The following GRB14 variants were observed in gnomAD, a reference collection of about 807,000 sequenced individuals.
The protein encoded by GRB14 is growth factor receptor-bound protein 14.
GRB14 carries 38 observed loss-of-function variants against 69.1 expected under a neutral mutation model. The observed-to-expected ratio is 0.55, with a 90% confidence interval of 0.42 to 0.72. The LOEUF (loss-of-function observed/expected upper bound fraction) is 0.72. GRB14 is among the 30% of genes least tolerant of loss of function. The pLI, the probability that GRB14 is intolerant of heterozygous loss-of-function variation, is 0.00. For missense variants in GRB14, 666 were observed against 666.1 expected (o/e 1.00, Z 0.00); for synonymous variants, 247 against 241.3 (o/e 1.02, Z -0.22).
chr2:164,507,180 T>TAAAG (rs1687213779), intron 8 of GRB14, among the ~76,000 whole-genome samples: 1 of 152,244 alleles, frequency 6.6e-6, no homozygotes, highest in Non-Finnish European at 1.5e-5. Context: ...ATTACTATTC[T>TAAAG]GTCCTTCTTT....
chr2:164,495,461 T>C (rs1337635673), intron 12 of GRB14, among the ~76,000 whole-genome samples: 1 of 152,178 alleles, frequency 6.6e-6, no homozygotes, highest in Non-Finnish European at 1.5e-5. Context: ...GAAAAGCCTC[T>C]ATAATGTCAG....
At chr2:164,566,679 C>T (rs10199593) in intron 2 of GRB14, among the ~76,000 whole-genome samples, 2,641 of 152,128 alleles carry the variant, frequency 0.017, 58 homozygotes, top group African/African-American at 0.06. Flanking sequence ...ATTGTTCAAA[C>T]TCCTTGAAAA....
At position 164,564,483 on chromosome 2, in the gene GRB14, G is replaced by A. The variant is rs139369922; in HGVS notation, c.325-16667C>T. ...ATGAGGAAAGAAATGATTATAACAT[G>A]AACTATTCTCTTATATGAATGGGGA... On this transcript the variant is annotated intron_variant, in intron 2 of 13. Coordinates refer to ENST00000263915, the MANE Select transcript of GRB14 (RefSeq NM_004490.3). Among the ~76,000 whole-genome samples, 439 of 152,272 alleles carry A rather than the reference G, an allele frequency of 2.9e-3. 2 individuals carry two copies. Among genetic ancestry groups the A allele is most frequent in the African/African-American group, 0.01 (429 of 41,542 alleles).
In GRB14 at chr2:164,508,828, T is replaced by C; in HGVS notation, c.841A>G (p.Ser281Gly). 1.3e-6 allele frequency: 2 copies of C among 1,579,632 alleles called. No homozygotes were observed. Among genetic ancestry groups the C allele is most frequent in the East Asian group, 2.2e-5 (1 of 44,552 alleles). ...SKEPRHLQFF[S>G]EFGNSDIYVS... is the part of the protein sequence containing the mutation. ...TAAATATCACTATTGCCAAATTCGC[T>C]GAAAAACTGCAAATGCCGCGGTTCC... The change falls in exon 7 of 14, where the codon AGC becomes GGC. Residue 281 changes from serine to glycine, a missense_variant. Coordinates refer to ENST00000263915, the MANE Select transcript of GRB14 (RefSeq NM_004490.3).
At chr2:164,522,802 TCA>T (rs1559033003) in intron 5 of GRB14, among the ~76,000 whole-genome samples, 3 of 152,026 alleles carry the variant, frequency 2.0e-5, no homozygotes, top group Non-Finnish European at 4.4e-5. Flanking sequence ...TGCCACTGAA[TCA>T]CAAAAAGGTG....
At chr2:164,536,249 C>G (rs943877734) in intron 3 of GRB14, among the ~76,000 whole-genome samples, 1 of 152,062 alleles carries the variant, frequency 6.6e-6, no homozygotes, top group African/African-American at 2.4e-5. Flanking sequence ...ACAGAGAGTC[C>G]CAGCTCCATG....
At position 164,493,084 on chromosome 2, in the gene GRB14, G is replaced by A. The variant is rs189443851; in HGVS notation, c.1575C>T (p.Gly525=). 18 of 1,613,430 alleles carry A rather than the reference G, an allele frequency of 1.1e-5. No individual in the cohort carries two copies. Among genetic ancestry groups the A allele is most frequent in the East Asian group, 2.2e-5 (1 of 44,816 alleles). The change falls in exon 14 of 14, where the codon GGC becomes GGT. Residue 525 remains glycine (G), a synonymous_variant. Transcript: ENST00000263915. Reference sequence around the variant, plus strand: ...AATGTTTCAACTTGCAAGGAAGAACGCCCTTATTGAGTTGATAGAACTCCA... The same window carrying A: ...AATGTTTCAACTTGCAAGGAAGAACACCCTTATTGAGTTGATAGAACTCCA... ...QLVEFYQLNK[G]VLPCKLKHYC... is the part of the protein sequence containing the mutation.
In GRB14 at chr2:164,571,547, TTAAAA is replaced by T. The variant is rs1163642767; in HGVS notation, c.325-23736_325-23732del. Among the ~76,000 whole-genome samples the T allele has an allele frequency of 2.6e-5, 4 of 152,298 alleles. No individual in the cohort carries two copies. The East Asian group carries it at 7.7e-4, about 29-fold the overall frequency. On this transcript the variant is annotated intron_variant, in intron 2 of 13. Transcript: ENST00000263915. ...GATAGAACAAGAGTAAATGTGTCAC[TTAAAA>T]TATTTTCATATCAATATTTCAATTA... is the stretch of plus-strand genomic sequence containing the variant.
At chr2:164,614,816 G>A (rs952703599) in intron 2 of GRB14, among the ~76,000 whole-genome samples, 3 of 152,082 alleles carry the variant, frequency 2.0e-5, no homozygotes, top group African/African-American at 7.2e-5. Flanking sequence ...ACACATACAA[G>A]TTCAGCATGT....
intron 5 of GRB14, among the ~76,000 whole-genome samples, chr2:164,523,216 GC>G (rs1315365173): frequency 2.0e-5 from 3 of 152,056 alleles, no homozygotes; most frequent in Non-Finnish European, 4.4e-5. Flanking sequence ...CTTCCCAGAT[GC>G]CTGTCCCACA....
In GRB14 at chr2:164,618,264, G is replaced by A. The variant is rs374637829; in HGVS notation, c.324+1423C>T. Among the ~76,000 whole-genome samples the A allele has an allele frequency of 1.8e-4, 27 of 150,286 alleles. No homozygotes were observed. The South Asian group carries it at 4.4e-3, about 25-fold the overall frequency. On this transcript the variant is annotated intron_variant, in intron 2 of 13. Coordinates refer to ENST00000263915, the MANE Select transcript of GRB14 (RefSeq NM_004490.3). Reference sequence around the variant, plus strand: ...ACTGGGATTACAGGCGTGAGCCACCGCACCCGGCCTCTTTTTTTTTTTTCC... The same window carrying A: ...ACTGGGATTACAGGCGTGAGCCACCACACCCGGCCTCTTTTTTTTTTTTCC...
At chr2:164,552,952 A>G (rs1021529627) in intron 2 of GRB14, among the ~76,000 whole-genome samples, 1 of 152,174 alleles carries the variant, frequency 6.6e-6, no homozygotes, top group Admixed American at 6.5e-5. Context: ...TTTCATATGC[A>G]GCAATAACAT....
intron 2 of GRB14, among the ~76,000 whole-genome samples, chr2:164,612,535 G>A (rs573273250): frequency 5.8e-4 from 89 of 152,274 alleles, no homozygotes; most frequent in Non-Finnish European, 1.0e-3. Context: ...CCCTTGAGCT[G>A]ACCTTTATCT....
At chr2:164,568,407 G>C in intron 2 of GRB14, 1 of 1,276,796 alleles carries the variant, frequency 7.8e-7, no homozygotes, top group Non-Finnish European at 1.0e-6. Context: ...ATCCTGTCTC[G>C]TAGGTCATGG....
chr2:164,562,959 T>A (rs962027445), intron 2 of GRB14, among the ~76,000 whole-genome samples: 4 of 152,218 alleles, frequency 2.6e-5, no homozygotes, highest in African/African-American at 9.6e-5. Flanking sequence ...CCCTTCCTGG[T>A]TGAGTATGCA....
Position 164,497,382 on chromosome 2 carries a change from C to A in GRB14, c.1213G>T (p.Ala405Ser). The A allele has an allele frequency of 6.2e-7, 1 of 1,612,276 alleles. No individual in the cohort carries two copies. Among genetic ancestry groups the A allele is most frequent in the Non-Finnish European group, 8.5e-7 (1 of 1,178,688 alleles). ...ALSVAVEEGL[A>S]WRKKGCLRLG... ...TGTGAAGCTACTTGTACCCTCCAAG[C>A]GAGTCCTTCTTCAACCGCAACTGAA... The change falls in exon 10 of 14, where the codon GCT (alanine) becomes TCT (serine). Residue 405 changes from alanine (A) to serine (S), a missense_variant. By Grantham distance (99) the Ala-to-Ser change is moderately conservative. Coordinates refer to ENST00000263915, the MANE Select transcript of GRB14 (RefSeq NM_004490.3).
In GRB14 at chr2:164,606,626, G is replaced by A. The variant is rs992236923; in HGVS notation, c.324+13061C>T. 6.6e-5 allele frequency among the ~76,000 whole-genome samples: 10 copies of A among 152,168 alleles called. No individual in the cohort carries two copies. In the East Asian group the frequency reaches 1.2e-3, roughly 18 times the overall value. On this transcript the variant is annotated intron_variant, in intron 2 of 13. Transcript: ENST00000263915. ...GGCTTCTGGGACAAAGGCAGATTTC[G>A]CCTAAATGAGGTCATTAAAACAAAA...
chr2:164,575,797 TC>T (rs1689237989), intron 2 of GRB14, among the ~76,000 whole-genome samples: 1 of 152,144 alleles, frequency 6.6e-6, no homozygotes, highest in Non-Finnish European at 1.5e-5. Flanking sequence ...TATAAACTTT[TC>T]TAATAAAAAG....
At chr2:164,513,140 C>T (rs918211346) in intron 6 of GRB14, among the ~76,000 whole-genome samples, 1 of 152,078 alleles carries the variant, frequency 6.6e-6, no homozygotes, top group Non-Finnish European at 1.5e-5. Context: ...CTCTCTGCCT[C>T]CTTTGCCTTC....
Sources: gnomAD v4.1 joint callset for allele counts (sites outside exome capture counted in the v4.1 genomes callset) on GRCh38, gnomAD v4.1.1 for gene constraint, MANE v1.5 for transcripts, NCBI Gene and HGNC (gene_info 2026-07-23, HGNC 2026-07-21) for gene names.